The following ZNF326 variants were observed in gnomAD, a reference collection of about 807,000 sequenced individuals.
ZNF326 encodes the protein zinc finger protein 326.
In ZNF326, 30 loss-of-function variants were observed where a neutral mutation model predicts 63.1. The observed-to-expected ratio is 0.48, with a 90% CI of 0.36 to 0.64. The LOEUF is 0.64. ZNF326 is among the 30% of genes least tolerant of loss of function. The pLI is 0.00. For missense variants in ZNF326, 609 were observed against 720.3 expected (o/e 0.85, Z 1.77); for synonymous variants, 194 against 228.2 (o/e 0.85, Z 1.35).
In ZNF326 at chr1:90,033,330, A is replaced by G. The variant is rs1650351770; in HGVS notation, c.*5629A>G. The G allele has an allele frequency of 6.6e-6, 1 of 152,138 alleles. No individual in the cohort carries two copies. The allele number at this position is 152,138 out of a possible 1,614,324, so 9.4% of individuals were successfully genotyped here. On this transcript the variant is annotated 3_prime_UTR_variant, in exon 12 of 12. Transcript: ENST00000340281. ...AATGAGAAACAGCAAATATTTAAGG[A>G]AAAGAGCAACATGAAAAATACACAG...
rs558001889 is a variant in ZNF326 at position 90,029,888 on chromosome 1, G to C, written c.*2187G>C. ...ATTTCCTATTGGATAATTTGTAGGC[G>C]GGCAGTTTACTTTATAGTCAGGTTA... On this transcript the variant is annotated 3_prime_UTR_variant, in exon 12 of 12. Transcript: ENST00000340281. 1 of 152,066 alleles carries C rather than the reference G, an allele frequency of 6.6e-6. No homozygotes were observed. Among genetic ancestry groups the C allele is most frequent in the Admixed American group, 6.6e-5 (1 of 15,264 alleles). 9.4% of individuals were successfully genotyped at this position (152,066 alleles called of 1,614,324 possible). A position where few individuals can be genotyped will look rare whatever the true frequency, so the allele number is the denominator to read the frequency against.
chr1:90,013,184 G>A lies in ZNF326; in HGVS notation c.873G>A (p.Glu291=). The change falls in exon 7 of 12, where the codon GAG becomes GAA. Residue 291 remains glutamate (E), a synonymous_variant. Transcript: ENST00000340281. ...EEKRRIEARR[E]KQRRRREKNS... ...AGCGGCGAATTGAGGCTCGGCGAGA[G>A]AAACAAAGGCGCAGAAGAGAAAAAA... The A allele has an allele frequency of 6.2e-7, 1 of 1,612,288 alleles. No individual in the cohort carries two copies. The highest frequency in any genetic ancestry group is 8.5e-7 in the Non-Finnish European group (1 of 1,179,092).
intron 6 of ZNF326, among the ~76,000 whole-genome samples, chr1:90,012,561 T>A (rs1480953938): frequency 6.6e-6 from 1 of 152,232 alleles, no homozygotes; most frequent in Non-Finnish European, 1.5e-5. Flanking sequence ...TTGCACATTT[T>A]AAAATGGTTA....
At chr1:90,023,978 C>T (rs1366620999) in intron 11 of ZNF326, among the ~76,000 whole-genome samples, 1 of 152,196 alleles carries the variant, frequency 6.6e-6, no homozygotes, top group Non-Finnish European at 1.5e-5. Context: ...GAATAAGAAT[C>T]TTCATTTTAA....
chr1:90,005,972 A>G lies in ZNF326; in HGVS notation c.209+728A>G, dbSNP rs1648965603. 4.1e-6 allele frequency: 4 copies of G among 985,330 alleles called. No individual in the cohort carries two copies. In the Admixed American group the frequency reaches 2.5e-4, roughly 61 times the overall value. The allele number at this position is 985,330 out of a possible 1,614,324, so 61.0% of individuals were successfully genotyped here. A position where few individuals can be genotyped will look rare whatever the true frequency, so the allele number is the denominator to read the frequency against. ...CAAGCTTTAAGGTTGACCATATTTC[A>G]GGAGAAGGGGTGTCTACTTTTTGAG... On this transcript the variant is annotated intron_variant, in intron 4 of 11. Coordinates refer to ENST00000340281, the MANE Select transcript of ZNF326 (RefSeq NM_182976.4).
chr1:90,004,053 T>G (rs1252751128), intron 2 of ZNF326, among the ~76,000 whole-genome samples: 1 of 152,210 alleles, frequency 6.6e-6, no homozygotes, highest in Non-Finnish European at 1.5e-5. Context: ...TCTAAATGTT[T>G]GTTTTACTTT....
intron 1 of ZNF326, among the ~76,000 whole-genome samples, chr1:89,995,989 A>G (rs541242115): frequency 7.2e-5 from 11 of 152,252 alleles, no homozygotes; most frequent in Non-Finnish European, 1.3e-4. Flanking sequence ...GCAAGCATCA[A>G]ATGTCCTTCA....
chr1:90,014,423 G>A (rs995819582), intron 7 of ZNF326, among the ~76,000 whole-genome samples: 1 of 152,092 alleles, frequency 6.6e-6, no homozygotes, highest in African/African-American at 2.4e-5. Flanking sequence ...AAAACAGCTA[G>A]TAATAATTTT....
Position 90,013,198 on chromosome 1 carries a change from G to T in ZNF326, c.887G>T (p.Arg296Ile). Residue 296 changes from arginine (R) to isoleucine (I), a missense_variant, in exon 7 of 12, where the codon AGA (arginine) becomes ATA (isoleucine). Physicochemically the swap from Arg to Ile is moderately conservative, Grantham distance 97. Coordinates refer to ENST00000340281, the MANE Select transcript of ZNF326 (RefSeq NM_182976.4). The part of the protein sequence containing the change: ...IEARREKQRR[R>I]REKNSEKYGD... ...GCTCGGCGAGAGAAACAAAGGCGCA[G>T]AAGAGAAAAAAACAGTGAGAAATAC... is the stretch of plus-strand genomic sequence containing the variant. The T allele has an allele frequency of 6.2e-7, 1 of 1,609,774 alleles. No homozygotes were observed. The highest frequency in any genetic ancestry group is 8.5e-7 in the Non-Finnish European group (1 of 1,177,858).
intron 6 of ZNF326, among the ~76,000 whole-genome samples, chr1:90,012,241 G>T (rs1461593901): frequency 2.6e-5 from 4 of 152,142 alleles, no homozygotes; most frequent in African/African-American, 9.7e-5. Context: ...AAAAATGTGG[G>T]TTATTCATAC....
rs1650192589 is a variant in ZNF326 at position 90,029,933 on chromosome 1, T to C, written c.*2232T>C. 6.6e-6 allele frequency: 1 copy of C among 152,204 alleles called. No individual in the cohort carries two copies. The highest frequency in any genetic ancestry group is 2.4e-5 in the African/African-American group (1 of 41,440). The allele number at this position is 152,204 out of a possible 1,614,324, so 9.4% of individuals were successfully genotyped here. A position where few individuals can be genotyped will look rare whatever the true frequency, so the allele number is the denominator to read the frequency against. On this transcript the variant is annotated 3_prime_UTR_variant, in exon 12 of 12. Coordinates refer to ENST00000340281, the MANE Select transcript of ZNF326 (RefSeq NM_182976.4). ...AGGTTAGTTTTTGTGATCCTTAGTGTTTATATTTGCATTGCTTTTGTAATA... is the reference window on the plus strand; with the variant it reads ...AGGTTAGTTTTTGTGATCCTTAGTGCTTATATTTGCATTGCTTTTGTAATA...
chr1:90,013,344 A>T, intron 7 of ZNF326, 107 bp downstream of exon 7: 1 of 843,528 alleles, frequency 1.2e-6, no homozygotes, highest in Non-Finnish European at 1.7e-6. Flanking sequence ...AAATGAAAAG[A>T]CTTGTTCAAA....
In ZNF326 at chr1:90,027,694, A is replaced by G. The variant is rs375568133; in HGVS notation, c.1742A>G (p.Glu581Gly). 19 of 1,613,888 alleles carry G rather than the reference A, an allele frequency of 1.2e-5. No homozygotes were observed. Among genetic ancestry groups the G allele is most frequent in the Non-Finnish European group, 1.5e-5 (18 of 1,179,950 alleles). Reference sequence around the variant, plus strand: ...GACTTCCCTGTTGAGCAACCTGAAGAAAATTAAATATAAGGTATTAGATTT... The same window carrying G: ...GACTTCCCTGTTGAGCAACCTGAAGGAAATTAAATATAAGGTATTAGATTT... ...PADFPVEQPE[E>G]N is the part of the protein sequence containing the mutation. The change falls in exon 12 of 12, where the codon GAA becomes GGA. Residue 581 changes from glutamate to glycine, a missense_variant. By Grantham distance (98) the Glu-to-Gly change is moderately conservative. Around this residue, in one of 3 missense-constraint regions of ZNF326, gnomAD observed 399 missense variants for 444.3 expected, o/e 0.90. Transcript: ENST00000340281.
intron 7 of ZNF326, among the ~76,000 whole-genome samples, chr1:90,016,768 G>A (rs951451482): frequency 6.6e-6 from 1 of 152,198 alleles, no homozygotes; most frequent in East Asian, 1.9e-4. Flanking sequence ...AGGTGGGACT[G>A]TTCATTATGG....
At chr1:90,006,246 A>T (rs1291692830) in intron 4 of ZNF326, 5 of 983,842 alleles carry the variant, frequency 5.1e-6, no homozygotes, top group Non-Finnish European at 6.0e-6. Context: ...AATAATTTTT[A>T]TATGGTTACT....
In ZNF326 at chr1:90,020,875, T is replaced by G; in HGVS notation, c.1258T>G (p.Ser420Ala). The part of the protein sequence containing the change: ...CSVYIPALHS[S>A]VQQHLKSPDH... ...TGTTTATATCCCTGCTTTACATAGT[T>G]CAGTTCAGCAGCACTTAAAATCTCC... The change falls in exon 10 of 12, where the codon TCA (serine) becomes GCA (alanine). Residue 420 changes from serine to alanine, a missense_variant. Ser to Ala is a moderately conservative substitution (Grantham distance 99). This residue lies in a region of ZNF326 where 399 missense variants were observed against 444.3 expected (regional missense o/e 0.90). Transcript: ENST00000340281. 1 of 1,613,254 alleles carries G rather than the reference T, an allele frequency of 6.2e-7. No individual in the cohort carries two copies. Among genetic ancestry groups the G allele is most frequent in the Non-Finnish European group, 8.5e-7 (1 of 1,179,418 alleles).
rs1328389670 is a variant in ZNF326 at position 90,032,493 on chromosome 1, G to A, written c.*4792G>A. 1 of 152,142 alleles carries A rather than the reference G, an allele frequency of 6.6e-6. No individual in the cohort carries two copies. Among genetic ancestry groups the A allele is most frequent in the Non-Finnish European group, 1.5e-5 (1 of 68,030 alleles). 9.4% of individuals were successfully genotyped at this position (152,142 alleles called of 1,614,324 possible). On this transcript the variant is annotated 3_prime_UTR_variant, in exon 12 of 12. Coordinates refer to ENST00000340281, the MANE Select transcript of ZNF326 (RefSeq NM_182976.4). ...ATTCTAAAGTTCTATTAAAATTGTAGAGGAGATACAATAATACAAATTTCA... is the reference window on the plus strand; with the variant it reads ...ATTCTAAAGTTCTATTAAAATTGTAAAGGAGATACAATAATACAAATTTCA...
At position 90,032,553 on chromosome 1, in the gene ZNF326, A is replaced by C. The variant is rs1650323227; in HGVS notation, c.*4852A>C. On this transcript the variant is annotated 3_prime_UTR_variant, in exon 12 of 12. Coordinates refer to ENST00000340281, the MANE Select transcript of ZNF326 (RefSeq NM_182976.4). ...ATAGATTTATAATCACACTAGGAAGACAAGAAGGGTGCTGTGAAATATTTC... is the reference window on the plus strand; with the variant it reads ...ATAGATTTATAATCACACTAGGAAGCCAAGAAGGGTGCTGTGAAATATTTC... 1 of 152,228 alleles carries C rather than the reference A, an allele frequency of 6.6e-6. No homozygotes were observed. Among genetic ancestry groups the C allele is most frequent in the African/African-American group, 2.4e-5 (1 of 41,462 alleles). The allele number at this position is 152,228 out of a possible 1,614,324, so 9.4% of individuals were successfully genotyped here.
Position 90,018,738 on chromosome 1 carries a change from T to C in ZNF326, c.1128T>C (p.Asn376=), listed in dbSNP as rs1553137315. ...KKTSIRKQQT[N]NQTEVVKIIE... ...CATCTATTCGTAAGCAACAGACAAA[T>C]AATCAAACAGAAGTAGTTAAAATAA... is the stretch of plus-strand genomic sequence containing the variant. Residue 376 remains asparagine, a synonymous_variant, in exon 9 of 12, where the codon AAT becomes AAC. Transcript: ENST00000340281. 1 of 1,582,538 alleles carries C rather than the reference T, an allele frequency of 6.3e-7. No homozygotes were observed. The highest frequency in any genetic ancestry group is 8.6e-7 in the Non-Finnish European group (1 of 1,163,150).
Sources: allele counts gnomAD v4.1 joint callset (sites outside exome capture counted in the v4.1 genomes callset), GRCh38; gene constraint gnomAD v4.1.1; regional missense constraint gnomAD v4.1.1; transcripts MANE v1.5; gene names NCBI Gene and HGNC (gene_info 2026-07-23, HGNC 2026-07-21).